The following RERE variants were observed in gnomAD, a reference collection of about 807,000 sequenced individuals.
The protein encoded by RERE is arginine-glutamic acid dipeptide repeats protein.
RERE carries 40 observed loss-of-function variants against 146.1 expected under a neutral mutation model. The observed-to-expected ratio is 0.27, with a 90% confidence interval of 0.21 to 0.36. The LOEUF (loss-of-function observed/expected upper bound fraction) is 0.36. RERE is among the 10% of genes least tolerant of loss of function. The pLI is 1.00. For synonymous variants in RERE, 1,003 were observed against 866.0 expected, an observed-to-expected ratio of 1.16 and a Z score of -2.78; for missense variants, 1,933 against 2,138.7, an observed-to-expected ratio of 0.90 and a Z score of 1.90.
chr1:8,631,515 T>C (rs1647035121), intron 2 of RERE, among the ~76,000 whole-genome samples: 1 of 152,182 alleles, frequency 6.6e-6, no homozygotes, highest in Admixed American at 6.5e-5. Context: ...GCGAACTCTG[T>C]GGAACAAGAA....
intron 12 of RERE, among the ~76,000 whole-genome samples, chr1:8,401,947 C>T (rs936407986): frequency 6.6e-6 from 1 of 152,054 alleles, no homozygotes; most frequent in African/African-American, 2.4e-5. Flanking sequence ...CTCACTGCAA[C>T]CTCCACCTCA....
At chr1:8,683,484 G>C (rs562376291) in intron 1 of RERE, among the ~76,000 whole-genome samples, 1 of 152,100 alleles carries the variant, frequency 6.6e-6, no homozygotes, top group African/African-American at 2.4e-5. Context: ...GAGACACACA[G>C]AAATTCTACA....
At chr1:8,575,268 T>C (rs1284640733) in intron 4 of RERE, among the ~76,000 whole-genome samples, 1 of 152,086 alleles carries the variant, frequency 6.6e-6, no homozygotes. Context: ...CGTGCATCCT[T>C]GCTGATATAG....
chr1:8,583,937 T>A (rs1423681244), intron 4 of RERE, among the ~76,000 whole-genome samples: 1 of 151,706 alleles, frequency 6.6e-6, no homozygotes, highest in Non-Finnish European at 1.5e-5. Context: ...CAGAACAGAA[T>A]AACACCCCTA....
chr1:8,439,515 G>A (rs1422102253), intron 11 of RERE, among the ~76,000 whole-genome samples: 2 of 152,170 alleles, frequency 1.3e-5, no homozygotes, highest in African/African-American at 2.4e-5. Flanking sequence ...CAATAACTAC[G>A]AAGCTAGAGG....
chr1:8,511,802 T>C (rs900100031), intron 7 of RERE: 1 of 149,488 alleles, frequency 6.7e-6, no homozygotes, highest in Non-Finnish European at 1.5e-5. Flanking sequence ...TTATCCTGTA[T>C]CCCCAGACAG....
intron 11 of RERE, chr1:8,465,614 G>A (rs1557644356): frequency 2.4e-6 from 1 of 414,364 alleles, no homozygotes; most frequent in Admixed American, 3.2e-5. Flanking sequence ...AAATAGGGAG[G>A]TATCACAAGC....
chr1:8,365,917 G>A lies in RERE; in HGVS notation c.1342C>T (p.Arg448Ter), dbSNP rs1641788033. Residue 448 changes from arginine to a stop codon, truncating the protein, a stop_gained, in exon 13 of 23, where the codon CGA becomes TGA. Transcript: ENST00000400908. LOFTEE classifies it high-confidence loss of function. ...TGCCTGCGGTGCCTACGATGGGCTC[G>A]GGAGCTGGCTGCTTCGGGGGTCTTC... ...WKKTPEAASS[R>*]AHRRHRRQAV... The A allele has an allele frequency of 1.9e-6, 3 of 1,614,096 alleles. No individual in the cohort carries two copies. Among genetic ancestry groups the A allele is most frequent in the Non-Finnish European group, 2.5e-6 (3 of 1,180,030 alleles).
intron 12 of RERE, among the ~76,000 whole-genome samples, chr1:8,376,817 G>C (rs764594008): frequency 7.8e-4 from 119 of 152,214 alleles, no homozygotes; most frequent in East Asian, 1.9e-4. Flanking sequence ...CCAGCTAGAA[G>C]TATCTATTTA....
intron 11 of RERE, among the ~76,000 whole-genome samples, chr1:8,441,182 C>T (rs893449736): frequency 1.3e-5 from 2 of 152,054 alleles, no homozygotes; most frequent in Non-Finnish European, 2.9e-5. Context: ...CCTATGGGGG[C>T]GTGGGTTTCC....
At position 8,354,926 on chromosome 1, in the gene RERE, CACT is replaced by C; in HGVS notation, c.*158_*160del. 1 of 631,862 alleles carries C rather than the reference CACT, an allele frequency of 1.6e-6. No individual in the cohort carries two copies. Among genetic ancestry groups the C allele is most frequent in the South Asian group, 2.1e-5 (1 of 48,290 alleles). The allele number at this position is 631,862 out of a possible 1,614,324, so 39.1% of individuals were successfully genotyped here. On this transcript the variant is annotated 3_prime_UTR_variant, in exon 23 of 23. Transcript: ENST00000400908. ...TCAGGAAATCCTCTCGACAAACGAA[CACT>C]ACTATGTGGATACATTTTTAGTTGT...
intron 1 of RERE, among the ~76,000 whole-genome samples, chr1:8,711,157 C>CAAAAAAAAAAAAAAAAAA (rs57814312): frequency 1.5e-5 from 1 of 68,248 alleles, no homozygotes; most frequent in African/African-American, 6.2e-5. Context: ...ACTCTGTCTC[C>CAAAAAAAAAAAAAAAAAA]AAAAAAAAAA....
chr1:8,588,566 C>T (rs897403849), intron 4 of RERE, among the ~76,000 whole-genome samples: 1 of 152,156 alleles, frequency 6.6e-6, no homozygotes, highest in African/African-American at 2.4e-5. Context: ...GACAAAAACA[C>T]ATACATTACA....
chr1:8,812,034 AG>A (rs1641822443), intron 1 of RERE, among the ~76,000 whole-genome samples: 1 of 152,176 alleles, frequency 6.6e-6, no homozygotes, highest in East Asian at 1.9e-4. Context: ...TTCTTAGGTG[AG>A]GCCTGGCTCG....
chr1:8,597,529 T>C (rs1646569558), intron 4 of RERE, among the ~76,000 whole-genome samples: 1 of 152,140 alleles, frequency 6.6e-6, no homozygotes, highest in African/African-American at 2.4e-5. Flanking sequence ...GAAAACAGAA[T>C]GAAAATCAAC....
chr1:8,690,469 A>G (rs942584543), intron 1 of RERE, among the ~76,000 whole-genome samples: 1 of 152,204 alleles, frequency 6.6e-6, no homozygotes, highest in African/African-American at 2.4e-5. Context: ...CGCCTACACA[A>G]TTTCTTTACT....
At chr1:8,534,128 C>T (rs1645693140) in intron 7 of RERE, among the ~76,000 whole-genome samples, 6 of 152,178 alleles carry the variant, frequency 3.9e-5, no homozygotes, top group Admixed American at 3.9e-4. Context: ...GAAAAGGGAA[C>T]TGTTACTCAA....
chr1:8,467,839 T>G (rs994691702), intron 10 of RERE, among the ~76,000 whole-genome samples: 1 of 151,978 alleles, frequency 6.6e-6, no homozygotes, highest in African/African-American at 2.4e-5. Context: ...AGAGATGGGG[T>G]TTCATCGTGT....
intron 7 of RERE, among the ~76,000 whole-genome samples, chr1:8,524,399 C>T (rs1645545375): frequency 1.3e-5 from 2 of 152,142 alleles, no homozygotes; most frequent in South Asian, 4.1e-4. Context: ...TTCCTAAAAA[C>T]TTTCCACTAA....
Sources: gnomAD v4.1 joint callset for allele counts (sites outside exome capture counted in the v4.1 genomes callset) on GRCh38, gnomAD v4.1.1 for gene constraint, MANE v1.5 for transcripts, NCBI Gene and HGNC (gene_info 2026-07-23, HGNC 2026-07-21) for gene names.